The following VKORC1L1 variants were observed in gnomAD, a reference collection of about 807,000 sequenced individuals.
VKORC1L1 encodes vitamin K epoxide reductase complex subunit 1L1.
VKORC1L1 carries 2 observed loss-of-function variants against 18.9 expected under a neutral mutation model. That is an observed-to-expected ratio of 0.11 (90% CI 0.04 to 0.33). VKORC1L1 has a LOEUF of 0.33. VKORC1L1 is among the 10% of genes least tolerant of loss of function. The pLI is 1.00. For synonymous variants in VKORC1L1, 96 were observed against 100.0 expected, an observed-to-expected ratio of 0.96 and a Z score of 0.24; for missense variants, 123 against 224.1, an observed-to-expected ratio of 0.55 and a Z score of 2.88.
intron 1 of VKORC1L1, among the ~76,000 whole-genome samples, chr7:65,885,192 T>C (rs1788991757): frequency 1.3e-5 from 2 of 152,198 alleles, no homozygotes; most frequent in African/African-American, 4.8e-5. Flanking sequence ...TTTGCATTTC[T>C]TCTGGATATT....
In VKORC1L1 at chr7:65,899,828, C is replaced by T. The variant is rs190428495; in HGVS notation, c.194+26263C>T. On this transcript the variant is annotated intron_variant, in intron 1 of 2. Coordinates refer to ENST00000360768, the MANE Select transcript of VKORC1L1 (RefSeq NM_173517.6). The stretch of plus-strand genomic sequence containing the variant: ...CAGCCTGACCAACATGGAGAAACCC[C>T]GTCTCTACTAAAAATACAAAAATTA... Among the ~76,000 whole-genome samples the T allele has an allele frequency of 1.8e-3, 278 of 151,954 alleles. 1 individual carries two copies. The highest frequency in any genetic ancestry group is 6.2e-3 in the South Asian group (30 of 4,806).
intron 1 of VKORC1L1, among the ~76,000 whole-genome samples, chr7:65,893,129 C>T (rs1281701502): frequency 6.6e-6 from 1 of 152,218 alleles, no homozygotes; most frequent in Non-Finnish European, 1.5e-5. Context: ...AACAGTGCCA[C>T]TCTTCTCACT....
chr7:65,871,868 T>A (rs1222646002), upstream of VKORC1L1, among the ~76,000 whole-genome samples: 1 of 151,932 alleles, frequency 6.6e-6, no homozygotes, highest in Non-Finnish European at 1.5e-5. Flanking sequence ...CCGTGGAAAC[T>A]GTGAGGGAAA....
intron 1 of VKORC1L1, among the ~76,000 whole-genome samples, chr7:65,926,313 G>C (rs902747718): frequency 6.6e-6 from 1 of 151,988 alleles, no homozygotes; most frequent in African/African-American, 2.4e-5. Flanking sequence ...CCGCCACCAC[G>C]CCCAGCTAAT....
chr7:65,883,050 A>G (rs1461617363), intron 1 of VKORC1L1, among the ~76,000 whole-genome samples: 1 of 152,092 alleles, frequency 6.6e-6, no homozygotes, highest in African/African-American at 2.4e-5. Context: ...CAAATTTGAC[A>G]TAAGACTGCC....
intron 1 of VKORC1L1, among the ~76,000 whole-genome samples, chr7:65,903,788 A>C (rs924074812): frequency 6.6e-6 from 1 of 152,036 alleles, no homozygotes; most frequent in African/African-American, 2.4e-5. Flanking sequence ...AAAAAAAAAA[A>C]AAAAGGCCTA....
chr7:65,901,862 G>A (rs1242426798), intron 1 of VKORC1L1, among the ~76,000 whole-genome samples: 4 of 152,120 alleles, frequency 2.6e-5, no homozygotes, highest in African/African-American at 9.7e-5. Flanking sequence ...AACAATTCCT[G>A]GGACTCAACA....
At chr7:65,895,486 T>A (rs63359160) in intron 1 of VKORC1L1, among the ~76,000 whole-genome samples, 297 of 31,412 alleles carry the variant, frequency 9.5e-3, no homozygotes, top group Non-Finnish European at 0.013. Flanking sequence ...AAAAAATATA[T>A]ATATATATAT....
intron 1 of VKORC1L1, among the ~76,000 whole-genome samples, chr7:65,904,134 T>C (rs1409724988): frequency 6.6e-6 from 1 of 152,184 alleles, no homozygotes; most frequent in African/African-American, 2.4e-5. Context: ...ATAGGTTTTA[T>C]AACACATGGG....
At chr7:65,912,558 C>T (rs1789518412) in intron 1 of VKORC1L1, among the ~76,000 whole-genome samples, 1 of 152,192 alleles carries the variant, frequency 6.6e-6, no homozygotes. Context: ...ATGTAGCAGG[C>T]AGTATGTTCC....
chr7:65,886,073 C>G (rs1789006628), intron 1 of VKORC1L1, among the ~76,000 whole-genome samples: 3 of 152,122 alleles, frequency 2.0e-5, no homozygotes, highest in Non-Finnish European at 4.4e-5. Flanking sequence ...TTGTTTTGTT[C>G]TAAACACATG....
At chr7:65,918,297 A>G (rs1562995079) in intron 1 of VKORC1L1, among the ~76,000 whole-genome samples, 1 of 152,236 alleles carries the variant, frequency 6.6e-6, no homozygotes, top group Non-Finnish European at 1.5e-5. Flanking sequence ...TCCATGGATT[A>G]TAAAAGAAAT....
intron 1 of VKORC1L1, among the ~76,000 whole-genome samples, chr7:65,915,519 T>C (rs1020796995): frequency 2.0e-5 from 3 of 151,862 alleles, no homozygotes; most frequent in Non-Finnish European, 4.4e-5. Context: ...CAAGTGATTC[T>C]CCTGCCTCAG....
intron 2 of VKORC1L1, among the ~76,000 whole-genome samples, chr7:65,953,463 G>A (rs1184714575): frequency 6.6e-6 from 1 of 152,240 alleles, no homozygotes; most frequent in Non-Finnish European, 1.5e-5. Context: ...GGCTGTTGAT[G>A]TTACAAGTCA....
chr7:65,953,924 CAG>C (rs909266062), intron 2 of VKORC1L1, 148 bp from the exon 3 acceptor site: 2 of 660,044 alleles, frequency 3.0e-6, no homozygotes, highest in African/African-American at 3.6e-5. Flanking sequence ...TTTAACAAAA[CAG>C]AGCAGTATTT....
intron 1 of VKORC1L1, among the ~76,000 whole-genome samples, chr7:65,912,212 G>A (rs1414018532): frequency 2.3e-4 from 35 of 152,154 alleles, no homozygotes; most frequent in Non-Finnish European, 5.9e-5. Flanking sequence ...ATTTATAGGC[G>A]TCTACTATTT....
chr7:65,877,440 C>T (rs890303694), intron 1 of VKORC1L1, among the ~76,000 whole-genome samples: 1 of 151,932 alleles, frequency 6.6e-6, no homozygotes, highest in African/African-American at 2.4e-5. Context: ...CTCCACCTCC[C>T]GGGTTCAAGC....
intron 1 of VKORC1L1, among the ~76,000 whole-genome samples, chr7:65,926,063 A>G (rs1240760828): frequency 6.6e-6 from 1 of 152,124 alleles, no homozygotes; most frequent in African/African-American, 2.4e-5. Context: ...ATCTGTAATT[A>G]TTCACCTATG....
In VKORC1L1 at chr7:65,954,246, A is replaced by G. The variant is rs1219892856; in HGVS notation, c.477A>G (p.Arg159=). The change falls in exon 3 of 3, where the codon CGA becomes CGG. Residue 159 remains arginine, a synonymous_variant. Transcript: ENST00000360768. ...TTCTTCTCATTATCAACTACAAACG[A>G]CTAGTTTACTTGAACGAGGCCTGGA... ...NFLLLIINYK[R]LVYLNEAWKR... is the part of the protein sequence containing the mutation. 8 of 1,613,944 alleles carry G rather than the reference A, an allele frequency of 5.0e-6. No homozygotes were observed. The highest frequency in any genetic ancestry group is 6.8e-6 in the Non-Finnish European group (8 of 1,180,024).
Sources: allele counts gnomAD v4.1 joint callset (sites outside exome capture counted in the v4.1 genomes callset), GRCh38; gene constraint gnomAD v4.1.1; transcripts MANE v1.5; gene names NCBI Gene and HGNC (gene_info 2026-07-23, HGNC 2026-07-21).